NRXN1: variants seen among roughly 807,000 people sequenced by gnomAD.
NRXN1 encodes the protein neurexin-1.
NRXN1 carries 39 observed loss-of-function variants against 150.9 expected under a neutral mutation model. The ratio of observed to expected loss-of-function variants is 0.26; its 90% CI spans 0.20 to 0.34. The LOEUF (loss-of-function observed/expected upper bound fraction) is 0.34, where lower values mean the gene tolerates loss of function less well. Among genes scored for constraint, NRXN1 ranks in the 10% least tolerant of loss-of-function variants. NRXN1 has a pLI of 1.00. For missense variants in NRXN1, 1,815 were observed against 1,949.9 expected, an observed-to-expected ratio of 0.93 and a Z score of 1.30; for synonymous variants, 924 against 757.0, an observed-to-expected ratio of 1.22 and a Z score of -3.62.
intron 18 of NRXN1, among the ~76,000 whole-genome samples, chr2:50,167,032 T>C (rs2059731188): frequency 1.3e-5 from 2 of 152,168 alleles, no homozygotes; most frequent in Non-Finnish European, 2.9e-5. Context: ...TACAATGAAA[T>C]GATAATTTTT....
At chr2:50,466,565 G>T in intron 16 of NRXN1, 1 of 450,088 alleles carries the variant, frequency 2.2e-6, no homozygotes, top group South Asian at 1.6e-5. Context: ...AAACACAGAA[G>T]AATGTTCAGA....
rs532766176 is a variant in NRXN1, at chr2:50,243,507, A to T, written c.3365-6537T>A. Among the ~76,000 whole-genome samples the T allele has an allele frequency of 1.8e-4, 28 of 151,908 alleles. 1 individual carries two copies. In the East Asian group the frequency reaches 4.6e-3, roughly 25 times the overall value. ...AATGCAAACTGAGCAAGACAGGGAG[A>T]CTCAAACTTGTGAGCACACTATTTT... On this transcript the variant is annotated intron_variant, in intron 17 of 22. Coordinates refer to ENST00000401669, the MANE Select transcript of NRXN1 (RefSeq NM_001330078.2).
chr2:50,816,009 C>T (rs1668876090), intron 5 of NRXN1, among the ~76,000 whole-genome samples: 1 of 152,114 alleles, frequency 6.6e-6, no homozygotes, highest in Non-Finnish European at 1.5e-5. Flanking sequence ...GACCTCAACT[C>T]GTAAACAAAC....
chr2:50,035,171 A>T (rs545960067), intron 21 of NRXN1, among the ~76,000 whole-genome samples: 1 of 152,286 alleles, frequency 6.6e-6, no homozygotes, highest in Non-Finnish European at 1.5e-5. Flanking sequence ...TCTAATAAAA[A>T]GTTTGAATAA....
chr2:50,066,728 C>T (rs562200373), intron 19 of NRXN1, among the ~76,000 whole-genome samples: 1 of 152,162 alleles, frequency 6.6e-6, no homozygotes, highest in East Asian at 1.9e-4. Context: ...TCTCATAAAA[C>T]TACTAAGTAA....
intron 17 of NRXN1, among the ~76,000 whole-genome samples, chr2:50,321,144 G>T (rs1198545079): frequency 6.6e-6 from 1 of 152,120 alleles, no homozygotes; most frequent in African/African-American, 2.4e-5. Flanking sequence ...TGGAACAAAA[G>T]CATTCTTTGG....
At chr2:50,017,762 C>T (rs967014173) in intron 21 of NRXN1, among the ~76,000 whole-genome samples, 2 of 150,682 alleles carry the variant, frequency 1.3e-5, no homozygotes, top group African/African-American at 4.9e-5. Context: ...TTGGAAAGCA[C>T]ATATTTAAAT....
chr2:49,979,527 A>C (rs1263700532), intron 21 of NRXN1, among the ~76,000 whole-genome samples: 2 of 152,210 alleles, frequency 1.3e-5, no homozygotes, highest in Non-Finnish European at 2.9e-5. Context: ...GTGGCTGCTG[A>C]AGTTTTTTTT....
chr2:50,072,824 C>G lies in NRXN1; in HGVS notation c.3719-17780G>C, dbSNP rs143883341. Among the ~76,000 whole-genome samples, 900 of 152,246 alleles carry G rather than the reference C, an allele frequency of 5.9e-3. 10 individuals are homozygous for G. Among genetic ancestry groups the G allele is most frequent in the African/African-American group, 0.021 (861 of 41,542 alleles). ...ATGCCTAGGCACAGTGAAGGCCCAGCAAGTGGATGACGGCATCAGCTGGTC... is the reference window on the plus strand; with the variant it reads ...ATGCCTAGGCACAGTGAAGGCCCAGGAAGTGGATGACGGCATCAGCTGGTC... On this transcript the variant is annotated intron_variant, in intron 19 of 22. Coordinates refer to ENST00000401669, the MANE Select transcript of NRXN1 (RefSeq NM_001330078.2).
intron 5 of NRXN1, among the ~76,000 whole-genome samples, chr2:50,872,390 T>C (rs1322551125): frequency 6.6e-6 from 1 of 151,514 alleles, no homozygotes; most frequent in Non-Finnish European, 1.5e-5. Flanking sequence ...GAGTGTGGAG[T>C]ACTTGCAGGA....
chr2:50,146,640 C>A (rs1326026860), intron 18 of NRXN1, among the ~76,000 whole-genome samples: 1 of 151,590 alleles, frequency 6.6e-6, no homozygotes, highest in African/African-American at 2.4e-5. Context: ...CTGATTATAA[C>A]TTACTTTTAA....
In NRXN1 at chr2:50,807,469, G is replaced by C. The variant is rs938290239; in HGVS notation, c.832+114400C>G. 2.0e-5 allele frequency among the ~76,000 whole-genome samples: 3 copies of C among 152,002 alleles called. 1 individual carries two copies. The East Asian group carries it at 5.8e-4, about 29-fold the overall frequency. On this transcript the variant is annotated intron_variant, in intron 5 of 22. Coordinates refer to ENST00000401669, the MANE Select transcript of NRXN1 (RefSeq NM_001330078.2). ...AAACCACTATTTAACCTATATTTCT[G>C]AATCACTGGACTGAATAATTTTATA...
chr2:50,054,394 T>C (rs911560963), intron 20 of NRXN1, among the ~76,000 whole-genome samples: 1 of 152,176 alleles, frequency 6.6e-6, no homozygotes, highest in African/African-American at 2.4e-5. Flanking sequence ...AGCAGATTGC[T>C]CTCTGCTCAT....
At chr2:50,155,733 G>A (rs1281332468) in intron 18 of NRXN1, among the ~76,000 whole-genome samples, 1 of 151,262 alleles carries the variant, frequency 6.6e-6, no homozygotes, top group Non-Finnish European at 1.5e-5. Flanking sequence ...AGTGAAAAAC[G>A]GAAACCTCTG....
intron 19 of NRXN1, among the ~76,000 whole-genome samples, chr2:50,087,905 A>G (rs1699024040): frequency 6.6e-6 from 1 of 152,162 alleles, no homozygotes; most frequent in African/African-American, 2.4e-5. Flanking sequence ...TGCTTCATAT[A>G]AAAGCACTTA....
intron 5 of NRXN1, among the ~76,000 whole-genome samples, chr2:50,673,721 C>T (rs1343333191): frequency 1.3e-5 from 2 of 152,092 alleles, no homozygotes; most frequent in Admixed American, 1.3e-4. Flanking sequence ...CTAATTCATC[C>T]ATCTATCTAG....
chr2:50,328,477 C>T (rs1247922708), intron 17 of NRXN1, among the ~76,000 whole-genome samples: 4 of 152,076 alleles, frequency 2.6e-5, no homozygotes, highest in Non-Finnish European at 4.4e-5. Flanking sequence ...TGGCTCACAC[C>T]TATAATCCCA....
At chr2:50,578,306 A>G (rs778394745) in intron 8 of NRXN1, among the ~76,000 whole-genome samples, 2 of 152,184 alleles carry the variant, frequency 1.3e-5, no homozygotes, top group African/African-American at 4.8e-5. Context: ...TCAGTTCCAG[A>G]AAGTCCACAT....
chr2:50,925,918 A>T lies in NRXN1; in HGVS notation c.790+20T>A. 6.4e-7 allele frequency: 1 copy of T among 1,562,812 alleles called. No homozygotes were observed. Among genetic ancestry groups the T allele is most frequent in the Non-Finnish European group, 8.7e-7 (1 of 1,150,218 alleles). On this transcript the variant is annotated intron_variant, in intron 3 of 22. Coordinates refer to ENST00000401669, the MANE Select transcript of NRXN1 (RefSeq NM_001330078.2). ...TAAAGGACAAATGAGAGTTGGAAAA[A>T]TAAGGTAGAAAGCACCCACCTTCCA... is the stretch of plus-strand genomic sequence containing the variant.
Sources: gnomAD v4.1 joint callset for allele counts (sites outside exome capture counted in the v4.1 genomes callset) on GRCh38, gnomAD v4.1.1 for gene constraint, MANE v1.5 for transcripts, NCBI Gene and HGNC (gene_info 2026-07-23, HGNC 2026-07-21) for gene names.